RNF38: variants seen among roughly 807,000 people sequenced by gnomAD.
RNF38 encodes ring finger protein 38.
Under a neutral mutation model 67.2 loss-of-function variants are expected in RNF38, and 15 were observed. The ratio of observed to expected loss-of-function variants is 0.22; its 90% CI spans 0.15 to 0.34. RNF38 has a LOEUF of 0.34. Ranked by LOEUF, RNF38 falls within the 10% of genes least tolerant of loss-of-function variation. The probability of loss-of-function intolerance (pLI) is 1.00; values close to 1 mark genes in which losing one functional copy is unlikely to be tolerated. For synonymous variants in RNF38, 220 were observed against 218.8 expected, an observed-to-expected ratio of 1.01 and a Z score of -0.05; for missense variants, 524 against 639.9, an observed-to-expected ratio of 0.82 and a Z score of 1.95.
intron 1 of RNF38, among the ~76,000 whole-genome samples, chr9:36,478,379 G>A (rs774183222): frequency 6.8e-6 from 1 of 147,512 alleles, no homozygotes; most frequent in Non-Finnish European, 1.5e-5. Context: ...ACTCCAGCCT[G>A]GGGGAGAGAG....
At chr9:36,360,730 TATG>T (rs1327692156) in intron 4 of RNF38, among the ~76,000 whole-genome samples, 2 of 152,172 alleles carry the variant, frequency 1.3e-5, no homozygotes, top group African/African-American at 4.8e-5. Context: ...AATGGAAAAG[TATG>T]ATGAATTTTA....
chr9:36,400,134 C>G lies in RNF38; in HGVS notation c.-26G>C, dbSNP rs375036741. On this transcript the variant is annotated 5_prime_UTR_variant, in exon 1 of 12. Coordinates refer to ENST00000259605, the MANE Select transcript of RNF38 (RefSeq NM_022781.5). ...ACAGACGTAAACAAAAACTTTATTT[C>G]TTTTTGGACCTCAATAACCTGAAAC... 9.9e-6 allele frequency: 16 copies of G among 1,611,756 alleles called. No homozygotes were observed. The highest frequency in any genetic ancestry group is 1.3e-5 in the Non-Finnish European group (15 of 1,178,976).
intron 2 of RNF38, among the ~76,000 whole-genome samples, chr9:36,412,297 T>G (rs918171844): frequency 1.3e-5 from 2 of 152,240 alleles, no homozygotes; most frequent in Non-Finnish European, 2.9e-5. Context: ...CTGTATTATT[T>G]CCCTTAAATG....
intron 1 of RNF38, among the ~76,000 whole-genome samples, chr9:36,470,054 G>A (rs1356783294): frequency 6.6e-6 from 1 of 152,124 alleles, no homozygotes; most frequent in Non-Finnish European, 1.5e-5. Flanking sequence ...CTCCTCGGTT[G>A]TTTCTACTCC....
intron 3 of RNF38, among the ~76,000 whole-genome samples, chr9:36,372,000 G>A (rs949350222): frequency 1.3e-5 from 2 of 148,358 alleles, no homozygotes; most frequent in Non-Finnish European, 3.0e-5. Flanking sequence ...GCCCGATCTC[G>A]GCTCACTACA....
intron 6 of RNF38, among the ~76,000 whole-genome samples, chr9:36,354,587 C>T (rs1207241015): frequency 6.6e-6 from 1 of 152,232 alleles, no homozygotes; most frequent in Non-Finnish European, 1.5e-5. Context: ...ATCTGTTTCG[C>T]AGACTTTATC....
At chr9:36,473,248 C>T (rs753987819) in intron 1 of RNF38, among the ~76,000 whole-genome samples, 33 of 151,394 alleles carry the variant, frequency 2.2e-4, no homozygotes, top group Non-Finnish European at 3.8e-4. Context: ...ATCACTTGAA[C>T]CCAGGAGTTC....
intron 1 of RNF38, among the ~76,000 whole-genome samples, chr9:36,468,785 C>G (rs1839925929): frequency 6.6e-6 from 1 of 151,846 alleles, no homozygotes. Context: ...GCACTCCAGC[C>G]TGAGCAACAA....
chr9:36,426,771 C>G (rs1443314429), intron 1 of RNF38, among the ~76,000 whole-genome samples: 2 of 152,192 alleles, frequency 1.3e-5, no homozygotes. Flanking sequence ...ACTTTGGAGT[C>G]AGACTTCAAT....
chr9:36,481,428 G>A (rs1389909816), intron 1 of RNF38, among the ~76,000 whole-genome samples: 1 of 152,184 alleles, frequency 6.6e-6, no homozygotes, highest in Non-Finnish European at 1.5e-5. Flanking sequence ...CCCAAGAACA[G>A]CGCTAATATC....
chr9:36,484,875 T>A (rs1316265436), intron 1 of RNF38, among the ~76,000 whole-genome samples: 1 of 152,114 alleles, frequency 6.6e-6, no homozygotes, highest in Admixed American at 6.6e-5. Flanking sequence ...TATCTAAAAA[T>A]GTATGTATTG....
chr9:36,356,307 C>T lies in RNF38; in HGVS notation c.905G>A (p.Arg302Gln). Residue 302 changes from arginine to glutamine, a missense_variant, in exon 6 of 12, where the codon CGA becomes CAA. Arg to Gln is a conservative substitution (Grantham distance 43, BLOSUM62 1). Around this residue, in one of 2 missense-constraint regions of RNF38, gnomAD observed 461 missense variants for 517.4 expected, o/e 0.89. Coordinates refer to ENST00000259605, the MANE Select transcript of RNF38 (RefSeq NM_022781.5). ...CATAATAGTAGAGATACCTACCGAT[C>T]GTGATTGCTGTGTTTGGAAAGGGAC... ...QFVPFQTQQS[R>Q]SPLQRIENEV... The T allele has an allele frequency of 3.1e-6, 5 of 1,613,738 alleles. No individual in the cohort carries two copies. The highest frequency in any genetic ancestry group is 4.2e-6 in the Non-Finnish European group (5 of 1,179,878).
chr9:36,369,277 C>T (rs529725988), intron 4 of RNF38, among the ~76,000 whole-genome samples: 37 of 152,272 alleles, frequency 2.4e-4, no homozygotes, highest in Non-Finnish European at 5.3e-4. Flanking sequence ...TCTCGTTCTG[C>T]CACCCAGTGC....
chr9:36,457,738 T>C (rs1307511857), intron 1 of RNF38, among the ~76,000 whole-genome samples: 2 of 151,836 alleles, frequency 1.3e-5, no homozygotes, highest in Non-Finnish European at 2.9e-5. Context: ...TGAAACCCCG[T>C]CTCTACTAAA....
Position 36,369,907 on chromosome 9 carries a change from T to C in RNF38, c.382A>G (p.Arg128Gly), listed in dbSNP as rs748017219. The C allele has an allele frequency of 1.9e-6, 3 of 1,612,964 alleles. No homozygotes were observed. The African/African-American group carries it at 4.0e-5, about 22-fold the overall frequency. ...TTATGTCGAGACAGACGATCCCTTC[T>C]TCCTCTCTGGCGCCTGACAGGAGGA... ...RSPPVRRQRG[R>G]RDRLSRHNSI... The change falls in exon 4 of 12, where the codon AGA (arginine) becomes GGA (glycine). Residue 128 changes from arginine to glycine, a missense_variant. This residue lies in a region of RNF38 where 461 missense variants were observed against 517.4 expected (regional missense o/e 0.89). Transcript: ENST00000259605.
chr9:36,381,297 A>G (rs1308098245), intron 2 of RNF38, among the ~76,000 whole-genome samples: 1 of 152,220 alleles, frequency 6.6e-6, no homozygotes, highest in Non-Finnish European at 1.5e-5. Context: ...CCCCCAAATG[A>G]CTGAACTGAC....
chr9:36,456,425 T>TTA (rs1839597000), intron 1 of RNF38, among the ~76,000 whole-genome samples: 3 of 152,240 alleles, frequency 2.0e-5, no homozygotes, highest in African/African-American at 7.2e-5. Flanking sequence ...TTTCTGTGTG[T>TTA]TATAAGTCAC....
intron 1 of RNF38, among the ~76,000 whole-genome samples, chr9:36,464,386 G>A (rs536349059): frequency 1.7e-4 from 26 of 152,034 alleles, no homozygotes; most frequent in Non-Finnish European, 3.1e-4. Context: ...GGCCAATATG[G>A]TGAAACTCTG....
At chr9:36,407,251 C>G (rs1468966892) in intron 2 of RNF38, among the ~76,000 whole-genome samples, 1 of 152,166 alleles carries the variant, frequency 6.6e-6, no homozygotes. Flanking sequence ...TCACCCAAAT[C>G]GAAGTCCACT....
Sources: allele counts gnomAD v4.1 joint callset (sites outside exome capture counted in the v4.1 genomes callset), GRCh38; gene constraint gnomAD v4.1.1; regional missense constraint gnomAD v4.1.1; transcripts MANE v1.5; gene names NCBI Gene and HGNC (gene_info 2026-07-23, HGNC 2026-07-21).